PDIA6: variants seen among roughly 807,000 people sequenced by gnomAD.
PDIA6 encodes protein disulfide-isomerase A6.
In PDIA6, 29 loss-of-function variants were observed where a neutral mutation model predicts 58.4. That is an observed-to-expected ratio of 0.50 (90% CI 0.37 to 0.68). PDIA6 has a LOEUF of 0.68. Ranked by LOEUF, PDIA6 falls within the 30% of genes least tolerant of loss-of-function variation. The probability of loss-of-function intolerance (pLI) is 0.00; values close to 1 mark genes in which losing one functional copy is unlikely to be tolerated. For synonymous variants in PDIA6, 192 were observed against 202.6 expected, an observed-to-expected ratio of 0.95 and a Z score of 0.44; for missense variants, 480 against 551.0, an observed-to-expected ratio of 0.87 and a Z score of 1.29.
At chr2:10,791,206 TGA>T (rs1349993658) in intron 6 of PDIA6, among the ~76,000 whole-genome samples, 3 of 152,046 alleles carry the variant, frequency 2.0e-5, no homozygotes, top group East Asian at 3.9e-4. Flanking sequence ...CGCAGTGGTG[TGA>T]GCTTGGCTCA....
At chr2:10,795,759 CT>C (rs1666240974) in intron 4 of PDIA6, among the ~76,000 whole-genome samples, 1 of 152,164 alleles carries the variant, frequency 6.6e-6, no homozygotes, top group Admixed American at 6.5e-5. Context: ...CCCCTCACCC[CT>C]ACCTTCCCTG....
Position 10,808,283 on chromosome 2 carries a change from G to C in PDIA6, c.19+4395C>G, listed in dbSNP as rs1686427. On this transcript the variant is annotated intron_variant, in intron 1 of 12. Transcript: ENST00000272227. The stretch of plus-strand genomic sequence containing the variant: ...GGGCCACACTAACAAATGCTACTGG[G>C]AGATAAAGTAGCAAAGACTTAAAAC... 5.6e-3 allele frequency among the ~76,000 whole-genome samples: 855 copies of C among 152,090 alleles called. 11 individuals carry two copies. The highest frequency in any genetic ancestry group is 0.02 in the African/African-American group (812 of 41,466).
chr2:10,802,588 A>T lies in PDIA6; in HGVS notation c.72T>A (p.Ser24Arg). 6.7e-7 allele frequency: 1 copy of T among 1,503,676 alleles called. No homozygotes were observed. The highest frequency in any genetic ancestry group is 8.9e-7 in the Non-Finnish European group (1 of 1,128,004). The allele number at this position is 1,503,676 out of a possible 1,614,324, so 93.1% of individuals were successfully genotyped here. A position where few individuals can be genotyped will look rare whatever the true frequency, so the allele number is the denominator to read the frequency against. ...ATGGAGTTAATTCGATCACATCATC[A>T]CTAGAGGAATACAGACCATTCACTG... Reference protein sequence around the residue: ...FLAVNGLYSSSDDVIELTPSN... With the variant: ...FLAVNGLYSSRDDVIELTPSN... Residue 24 changes from serine (S) to arginine (R), a missense_variant, in exon 2 of 13, where the codon AGT becomes AGA. By Grantham distance (110) the Ser-to-Arg change is moderately radical. Coordinates refer to ENST00000272227, the MANE Select transcript of PDIA6 (RefSeq NM_005742.4).
intron 1 of PDIA6, among the ~76,000 whole-genome samples, chr2:10,804,331 C>T (rs1666645475): frequency 1.4e-5 from 2 of 146,798 alleles, no homozygotes; most frequent in African/African-American, 4.9e-5. Flanking sequence ...TTTAATCCAT[C>T]TTGAATTGAT....
intron 8 of PDIA6, 65 bp downstream of exon 8, chr2:10,789,684 G>C: frequency 1.4e-6 from 2 of 1,458,006 alleles, no homozygotes; most frequent in Non-Finnish European, 1.9e-6. Flanking sequence ...GTGTCACACT[G>C]CTTTAACATT....
rs775178715 is a variant in PDIA6 at position 10,797,068 on chromosome 2, G to A, written c.346+13C>T. On this transcript the variant is annotated intron_variant, in intron 4 of 12. Transcript: ENST00000272227. ...TCTACCAGGGGAATGAAGTAGCTAG[G>A]AAAAGTCCTTACCTTGGTAATCTTC... 18 of 1,612,204 alleles carry A rather than the reference G, an allele frequency of 1.1e-5. No individual in the cohort carries two copies. Among genetic ancestry groups the A allele is most frequent in the Non-Finnish European group, 1.4e-5 (17 of 1,178,736 alleles).
chr2:10,829,862 G>T (rs10170428), intron 1 of PDIA6, among the ~76,000 whole-genome samples: 56 of 152,108 alleles, frequency 3.7e-4, no homozygotes, highest in African/African-American at 1.3e-3. Flanking sequence ...CCACCTAAAA[G>T]TGGCATAAAT....
upstream of PDIA6, among the ~76,000 whole-genome samples, chr2:10,817,745 A>T (rs1322536891): frequency 6.6e-6 from 1 of 152,242 alleles, no homozygotes; most frequent in African/African-American, 2.4e-5. Context: ...TGGAGCAGTG[A>T]CAGGGAAGGA....
Position 10,784,346 on chromosome 2 carries a change from C to T in PDIA6, c.1255-20G>A. The stretch of plus-strand genomic sequence containing the variant: ...GGGAAGCTGGGAGACGACAGAAAGC[C>T]ACTGTTAGATCTGCAGAAGGGGACA... On this transcript the variant is annotated intron_variant, in intron 12 of 12. Transcript: ENST00000272227. The T allele has an allele frequency of 6.2e-7, 1 of 1,607,404 alleles. No homozygotes were observed. The highest frequency in any genetic ancestry group is 8.5e-7 in the Non-Finnish European group (1 of 1,175,860).
intron 1 of PDIA6, among the ~76,000 whole-genome samples, chr2:10,826,062 A>C (rs1667547789): frequency 6.6e-6 from 1 of 152,372 alleles, no homozygotes; most frequent in Non-Finnish European, 1.5e-5. Flanking sequence ...AAAGGCTGAA[A>C]TAACTCAAAT....
rs115275070 is a variant in PDIA6 at position 10,790,972 on chromosome 2, A to G, written c.585-139T>C. The G allele has an allele frequency of 1.7e-3, 1,057 of 631,554 alleles. 10 individuals are homozygous for G. The African/African-American group carries it at 0.018, about 10-fold the overall frequency. The allele number at this position is 631,554 out of a possible 1,614,324, so 39.1% of individuals were successfully genotyped here. On this transcript the variant is annotated intron_variant, in intron 6 of 12. Transcript: ENST00000272227. ...TCAGGTGATCTCATTTCAGCCTCCA[A>G]CATAGCTGGGACTACAGGTGTGTGC... is the stretch of plus-strand genomic sequence containing the variant.
intron 1 of PDIA6, among the ~76,000 whole-genome samples, chr2:10,828,074 G>T (rs887569586): frequency 1.3e-5 from 2 of 151,888 alleles, no homozygotes; most frequent in African/African-American, 2.4e-5. Context: ...GCAGCAGCCC[G>T]CATGTTTGTT....
At chr2:10,784,421 A>G in intron 12 of PDIA6, 95 bp from the exon 13 acceptor site, 1 of 886,828 alleles carries the variant, frequency 1.1e-6, no homozygotes, top group Non-Finnish European at 1.7e-6. Context: ...CTCTGGAGCT[A>G]CTCCTGCTAC....
Position 10,797,096 on chromosome 2 carries a change from G to T in PDIA6, c.331C>A (p.Pro111Thr). The T allele has an allele frequency of 6.2e-7, 1 of 1,613,350 alleles. No homozygotes were observed. Among genetic ancestry groups the T allele is most frequent in the South Asian group, 1.1e-5 (1 of 91,030 alleles). The change falls in exon 4 of 13, where the codon CCA becomes ACA. Residue 111 changes from proline (P) to threonine (T), a missense_variant. Physicochemically the swap from Pro to Thr is conservative, Grantham distance 38. Coordinates refer to ENST00000272227, the MANE Select transcript of PDIA6 (RefSeq NM_005742.4). ...AAGTCCTTACCTTGGTAATCTTCTG[G>T]TCTGTTTTTGTTGGATCCAAAAATC... is the stretch of plus-strand genomic sequence containing the variant. Reference protein sequence around the residue: ...IKIFGSNKNRPEDYQGGRTGE... With the variant: ...IKIFGSNKNRTEDYQGGRTGE...
intron 1 of PDIA6, among the ~76,000 whole-genome samples, chr2:10,806,192 A>T (rs568236530): frequency 6.6e-6 from 1 of 151,476 alleles, no homozygotes; most frequent in South Asian, 2.1e-4. Flanking sequence ...ACATAGTGAG[A>T]CCCCCTCTCT....
chr2:10,797,547 G>T (rs1003024147), intron 3 of PDIA6, among the ~76,000 whole-genome samples, 153 bp downstream of exon 3: 1 of 152,176 alleles, frequency 6.6e-6, no homozygotes, highest in African/African-American at 2.4e-5. Context: ...AACAGAACCA[G>T]TATTTTCAAC....
intron 1 of PDIA6, among the ~76,000 whole-genome samples, chr2:10,830,235 T>G (rs1667672173): frequency 6.6e-6 from 1 of 152,192 alleles, no homozygotes; most frequent in Non-Finnish European, 1.5e-5. Context: ...GTGTCCCAGC[T>G]CCTAGCACGG....
chr2:10,786,156 CTA>C (rs1297872265), intron 11 of PDIA6, among the ~76,000 whole-genome samples: 4 of 152,140 alleles, frequency 2.6e-5, no homozygotes, highest in African/African-American at 9.6e-5. Context: ...AAACCCATCT[CTA>C]CTAAAAATAC....
chr2:10,810,272 T>C (rs1209780699), intron 1 of PDIA6: 2 of 1,533,534 alleles, frequency 1.3e-6, no homozygotes, highest in Middle Eastern at 3.3e-4. Flanking sequence ...TAGACCCAAA[T>C]TTCTAACCGA....
Sources: allele counts gnomAD v4.1 joint callset (sites outside exome capture counted in the v4.1 genomes callset), GRCh38; gene constraint gnomAD v4.1.1; transcripts MANE v1.5; gene names NCBI Gene and HGNC (gene_info 2026-07-23, HGNC 2026-07-21).